Variants in MZT1 observed in about 807,000 individuals in gnomAD.
MZT1 encodes the protein mitotic spindle organizing protein 1.
MZT1 carries 8 observed loss-of-function variants against 8.5 expected under a neutral mutation model. That is an observed-to-expected ratio of 0.94 (90% CI 0.55 to 1.70). The LOEUF (loss-of-function observed/expected upper bound fraction) is 1.70. MZT1 is among the 40% of genes most tolerant of loss of function. The probability of loss-of-function intolerance (pLI) is 0.00; values close to 1 mark genes in which losing one functional copy is unlikely to be tolerated. For missense variants in MZT1, 93 were observed against 108.6 expected (o/e 0.86, Z 0.64); for synonymous variants, 38 against 42.0 (o/e 0.90, Z 0.37).
chr13:72,715,867 T>C (rs2032530385), intron 2 of MZT1, among the ~76,000 whole-genome samples: 1 of 152,152 alleles, frequency 6.6e-6, no homozygotes, highest in African/African-American at 2.4e-5. Flanking sequence ...TGCAGAACTA[T>C]GAGCCAATTA....
chr13:72,720,844 C>T (rs756842766), intron 1 of MZT1, among the ~76,000 whole-genome samples: 50 of 152,042 alleles, frequency 3.3e-4, no homozygotes, highest in Non-Finnish European at 5.9e-4. Context: ...GCCGAGATTG[C>T]GCCATTGCAC....
chr13:72,716,667 C>T (rs927564639), intron 2 of MZT1, among the ~76,000 whole-genome samples: 1 of 152,206 alleles, frequency 6.6e-6, no homozygotes, highest in South Asian at 2.1e-4. Context: ...GATGAACTAA[C>T]TTAAAGTTTC....
In MZT1 at chr13:72,723,532, C is replaced by A. The variant is rs1413885098; in HGVS notation, c.79+3992G>T. On this transcript the variant is annotated intron_variant, in intron 1 of 2. Transcript: ENST00000377818. ...CATTCAGCATCCCTGAGGGAAAAAA[C>A]CAAAATTACCTTCAGGCTATGTGTA... is the stretch of plus-strand genomic sequence containing the variant. 5.3e-5 allele frequency among the ~76,000 whole-genome samples: 8 copies of A among 152,148 alleles called. No homozygotes were observed. In the South Asian group the frequency reaches 8.3e-4, roughly 16 times the overall value.
chr13:72,714,051 G>A (rs893137915), intron 2 of MZT1, among the ~76,000 whole-genome samples: 3 of 152,118 alleles, frequency 2.0e-5, no homozygotes, highest in Non-Finnish European at 4.4e-5. Context: ...CAAGATAATG[G>A]GTAAAAGGCC....
chr13:72,721,068 A>G (rs898098189), intron 1 of MZT1, among the ~76,000 whole-genome samples: 2 of 152,168 alleles, frequency 1.3e-5, no homozygotes, highest in East Asian at 1.9e-4. Flanking sequence ...AATTTTTCAC[A>G]TCATGGGTCA....
chr13:72,721,638 A>G (rs1484489883), intron 1 of MZT1, among the ~76,000 whole-genome samples: 2 of 152,212 alleles, frequency 1.3e-5, no homozygotes, highest in African/African-American at 4.8e-5. Flanking sequence ...TCTCCCTGCT[A>G]TACTGAGGCC....
intron 1 of MZT1, among the ~76,000 whole-genome samples, chr13:72,719,959 G>A (rs546456718): frequency 3.3e-5 from 5 of 152,282 alleles, no homozygotes; most frequent in African/African-American, 1.2e-4. Context: ...TAAGTCAACT[G>A]TCAACATATT....
chr13:72,727,516 A>T lies in MZT1; in HGVS notation c.79+8T>A, dbSNP rs763915489. On this transcript the variant is annotated splice_region_variant and intron_variant, in intron 1 of 2. Coordinates refer to ENST00000377818, the MANE Select transcript of MZT1 (RefSeq NM_001071775.3). Reference sequence around the variant, plus strand: ...ACGCAAGGTAAAGGGAGCGCAACGGAAACTCACCGTCCATGGTCTCCCGCA... The same window carrying T: ...ACGCAAGGTAAAGGGAGCGCAACGGTAACTCACCGTCCATGGTCTCCCGCA... 3.1e-6 allele frequency: 5 copies of T among 1,613,380 alleles called. No homozygotes were observed. In the Admixed American group the frequency reaches 8.3e-5, roughly 27 times the overall value.
At chr13:72,718,905 TA>T (rs2032565802) in intron 2 of MZT1, 46 bp downstream of exon 2, 2 of 1,503,320 alleles carry the variant, frequency 1.3e-6, no homozygotes, top group Non-Finnish European at 1.8e-6. Flanking sequence ...ATCATTTTTC[TA>T]AATAAAAGCA....
At chr13:72,717,362 G>A (rs1332394289) in intron 2 of MZT1, among the ~76,000 whole-genome samples, 4 of 140,320 alleles carry the variant, frequency 2.9e-5, no homozygotes, top group African/African-American at 1.1e-4. Flanking sequence ...TTTTTTAGAT[G>A]GAGTTTCGCT....
intron 2 of MZT1, among the ~76,000 whole-genome samples, chr13:72,712,776 ATTT>A (rs2032500146): frequency 6.6e-6 from 1 of 152,182 alleles, no homozygotes. Flanking sequence ...AGCTAGGTTT[ATTT>A]GACTCTGGTT....
intron 1 of MZT1, among the ~76,000 whole-genome samples, chr13:72,724,660 T>G (rs1253690822): frequency 8.1e-6 from 1 of 123,784 alleles, no homozygotes; most frequent in Non-Finnish European, 1.7e-5. Flanking sequence ...TGCCTCAGCC[T>G]CCCAAGTAGC....
At chr13:72,711,726 A>T (rs1473246826) in intron 2 of MZT1, among the ~76,000 whole-genome samples, 1 of 152,138 alleles carries the variant, frequency 6.6e-6, no homozygotes, top group African/African-American at 2.4e-5. Flanking sequence ...TGAGAAAAAA[A>T]TTCATGAGCA....
intron 2 of MZT1, among the ~76,000 whole-genome samples, chr13:72,715,047 T>G (rs2032521565): frequency 2.0e-5 from 3 of 152,176 alleles, no homozygotes; most frequent in African/African-American, 7.2e-5. Flanking sequence ...CTTGAAAAGC[T>G]GCAGACACTC....
intron 1 of MZT1, among the ~76,000 whole-genome samples, chr13:72,723,278 T>C (rs373385285): frequency 1.4e-4 from 21 of 152,372 alleles, no homozygotes; most frequent in African/African-American, 4.8e-4. Context: ...TCTTTTCAAA[T>C]GGACACCTAT....
chr13:72,719,431 C>T (rs1399962332), intron 1 of MZT1, among the ~76,000 whole-genome samples: 2 of 152,132 alleles, frequency 1.3e-5, no homozygotes, highest in African/African-American at 4.8e-5. Context: ...TGCAGTTTAA[C>T]TAGTCGCATA....
At chr13:72,711,171 A>G (rs9543092) in intron 2 of MZT1, among the ~76,000 whole-genome samples, 15,769 of 152,196 alleles carry the variant, frequency 0.1, 1,089 homozygotes, top group Non-Finnish European at 0.16. Context: ...AAGATACAGG[A>G]AAGTAGGTTT....
intron 1 of MZT1, among the ~76,000 whole-genome samples, chr13:72,725,404 C>T (rs1335906069): frequency 1.3e-5 from 2 of 152,134 alleles, no homozygotes; most frequent in African/African-American, 4.8e-5. Context: ...TAGCCTGCTT[C>T]CTTCCATGTC....
At chr13:72,720,718 G>A (rs1009700978) in intron 1 of MZT1, among the ~76,000 whole-genome samples, 1 of 151,992 alleles carries the variant, frequency 6.6e-6, no homozygotes. Context: ...GAGAAACCCC[G>A]TCTCTACTAA....
Sources: allele counts gnomAD v4.1 joint callset (sites outside exome capture counted in the v4.1 genomes callset), GRCh38; gene constraint gnomAD v4.1.1; transcripts MANE v1.5; gene names NCBI Gene and HGNC (gene_info 2026-07-23, HGNC 2026-07-21).